The following SLC9C1 variants were observed in gnomAD, a reference collection of about 807,000 sequenced individuals.
The protein encoded by SLC9C1 is solute carrier family 9 member C1.
Under a neutral mutation model 140.9 loss-of-function variants are expected in SLC9C1, and 97 were observed. The observed-to-expected ratio is 0.69, with a 90% CI of 0.58 to 0.82. The LOEUF is 0.82. Ranked by LOEUF, SLC9C1 falls within the 40% of genes least tolerant of loss-of-function variation. SLC9C1 has a pLI of 0.00. For synonymous variants in SLC9C1, 440 were observed against 442.6 expected, an observed-to-expected ratio of 0.99 and a Z score of 0.07; for missense variants, 1,340 against 1,389.3, an observed-to-expected ratio of 0.96 and a Z score of 0.56.
At chr3:112,217,705 A>G in intron 14 of SLC9C1, 144 bp from the exon 15 acceptor site, 1 of 620,444 alleles carries the variant, frequency 1.6e-6, no homozygotes, top group Non-Finnish European at 2.5e-6. Context: ...GGATTAAGAC[A>G]TTTTCATGGG....
intron 1 of SLC9C1, among the ~76,000 whole-genome samples, chr3:112,293,250 T>C (rs1221523884): frequency 4.0e-5 from 6 of 149,798 alleles, no homozygotes; most frequent in Admixed American, 2.0e-4. Flanking sequence ...CACTCCAGCT[T>C]GGGTGACAGA....
rs2074995521 is a variant in SLC9C1, at chr3:112,151,978, A to G, written c.3418-15T>C. 6.4e-7 allele frequency: 1 copy of G among 1,564,530 alleles called. No individual in the cohort carries two copies. The highest frequency in any genetic ancestry group is 1.4e-5 in the African/African-American group (1 of 71,536). On this transcript the variant is annotated splice_polypyrimidine_tract_variant and intron_variant, in intron 27 of 28. Coordinates refer to ENST00000305815, the MANE Select transcript of SLC9C1 (RefSeq NM_183061.3). The stretch of plus-strand genomic sequence containing the variant: ...TGTGCTCCATCCTGGGATTCAAAAC[A>G]CTTTGTTACTTGATGTCATGATAGG...
chr3:112,235,082 C>A lies in SLC9C1; in HGVS notation c.1447-3596G>T, dbSNP rs567072830. Among the ~76,000 whole-genome samples the A allele has an allele frequency of 6.9e-3, 1,032 of 148,596 alleles. 14 individuals carry two copies. Among genetic ancestry groups the A allele is most frequent in the African/African-American group, 0.024 (950 of 40,316 alleles). On this transcript the variant is annotated intron_variant, in intron 12 of 28. Transcript: ENST00000305815. ...TTACCTTGGGCAGTATGGCCATTTTCACGATATTGATTCTTCCTATCCATG... is the reference window on the plus strand; with the variant it reads ...TTACCTTGGGCAGTATGGCCATTTTAACGATATTGATTCTTCCTATCCATG...
chr3:112,213,733 C>T (rs1216067480), intron 15 of SLC9C1, among the ~76,000 whole-genome samples: 1 of 152,174 alleles, frequency 6.6e-6, no homozygotes, highest in Non-Finnish European at 1.5e-5. Context: ...TAGAAAGAGA[C>T]TTAAGACTCC....
intron 13 of SLC9C1, among the ~76,000 whole-genome samples, chr3:112,224,406 C>T (rs977420271): frequency 1.3e-5 from 2 of 148,380 alleles, no homozygotes; most frequent in African/African-American, 5.0e-5. Context: ...ACAAAAAAAA[C>T]ATGAAAAAGC....
chr3:112,149,241 CAG>C (rs1056213150), intron 28 of SLC9C1, among the ~76,000 whole-genome samples: 15 of 151,678 alleles, frequency 9.9e-5, no homozygotes, highest in African/African-American at 3.2e-4. Flanking sequence ...GGTCATGGAG[CAG>C]AGAGTCCCAC....
At chr3:112,223,926 G>A (rs1267220311) in intron 13 of SLC9C1, among the ~76,000 whole-genome samples, 2 of 152,156 alleles carry the variant, frequency 1.3e-5, no homozygotes, top group Non-Finnish European at 2.9e-5. Flanking sequence ...AAAATGTCAA[G>A]TGAAGCAGCA....
chr3:112,288,668 G>A (rs955170948), intron 1 of SLC9C1, among the ~76,000 whole-genome samples: 2 of 152,150 alleles, frequency 1.3e-5, no homozygotes, highest in Non-Finnish European at 2.9e-5. Flanking sequence ...GGGGTGGTGG[G>A]ACATTGTTTT....
At chr3:112,206,165 A>G in intron 16 of SLC9C1, among the ~76,000 whole-genome samples, 1 of 131,752 alleles carries the variant, frequency 7.6e-6, no homozygotes. Context: ...AGAAAAAAAC[A>G]ACCCCATCAA....
intron 20 of SLC9C1, chr3:112,185,740 G>C: frequency 6.5e-7 from 1 of 1,538,852 alleles, no homozygotes; most frequent in South Asian, 1.2e-5. Flanking sequence ...CTGAGCCCCC[G>C]GCCTGCCGGG....
chr3:112,160,740 G>T (rs1468743261), intron 26 of SLC9C1, among the ~76,000 whole-genome samples: 1 of 151,052 alleles, frequency 6.6e-6, no homozygotes, highest in Non-Finnish European at 1.5e-5. Context: ...ACGTGTGCAT[G>T]TGTCTTTATA....
chr3:112,233,968 T>A (rs2108185715), intron 12 of SLC9C1, among the ~76,000 whole-genome samples: 1 of 152,304 alleles, frequency 6.6e-6, no homozygotes, highest in South Asian at 2.1e-4. Context: ...TATAGCAGCA[T>A]GTTTTATAAT....
intron 16 of SLC9C1, among the ~76,000 whole-genome samples, chr3:112,204,879 A>C (rs1312864033): frequency 1.3e-5 from 2 of 152,102 alleles, no homozygotes. Context: ...TTTTTATTAA[A>C]GTAGTTCAAG....
intron 23 of SLC9C1, 46 bp from the exon 24 acceptor site, chr3:112,169,374 G>A (rs762389373): frequency 1.9e-6 from 3 of 1,555,136 alleles, no homozygotes; most frequent in Non-Finnish European, 2.6e-6. Context: ...TGTGCACTAT[G>A]GTTTAAGGAA....
At chr3:112,245,475 G>GA (rs1282180041) in intron 10 of SLC9C1, among the ~76,000 whole-genome samples, 1 of 148,732 alleles carries the variant, frequency 6.7e-6, no homozygotes, top group African/African-American at 2.5e-5. Context: ...ACCATTTATT[G>GA]AAAAAAATAT....
At chr3:112,211,443 A>G (rs1302370242) in intron 15 of SLC9C1, among the ~76,000 whole-genome samples, 2 of 152,208 alleles carry the variant, frequency 1.3e-5, no homozygotes, top group Non-Finnish European at 2.9e-5. Context: ...GGGTCGGGGG[A>G]TTCCCTTTCC....
At chr3:112,174,042 G>A (rs73218085) in intron 23 of SLC9C1, among the ~76,000 whole-genome samples, 3 of 152,198 alleles carry the variant, frequency 2.0e-5, no homozygotes, top group South Asian at 4.2e-4. Context: ...GTTAGTGATC[G>A]TCAGAATTTT....
intron 28 of SLC9C1, among the ~76,000 whole-genome samples, chr3:112,150,432 G>T (rs910520970): frequency 2.6e-5 from 4 of 151,934 alleles, no homozygotes; most frequent in Non-Finnish European, 4.4e-5. Flanking sequence ...CATATACTGG[G>T]GCTTCACTCA....
intron 13 of SLC9C1, among the ~76,000 whole-genome samples, chr3:112,222,653 G>A (rs1388858): frequency 0.76 from 114,811 of 151,994 alleles, 43,770 homozygotes; most frequent in East Asian, 0.99. Context: ...TATCATATTA[G>A]TAACAAAAAC....
Sources: gnomAD v4.1 joint callset for allele counts (sites outside exome capture counted in the v4.1 genomes callset) on GRCh38, gnomAD v4.1.1 for gene constraint, MANE v1.5 for transcripts, NCBI Gene and HGNC (gene_info 2026-07-23, HGNC 2026-07-21) for gene names.